The following B4GALNT3 variants were observed in gnomAD, a reference collection of about 807,000 sequenced individuals.
B4GALNT3 encodes beta-1,4-N-acetyl-galactosaminyltransferase 3.
B4GALNT3 carries 86 observed loss-of-function variants against 120.2 expected under a neutral mutation model. The observed-to-expected ratio is 0.72, with a 90% CI of 0.60 to 0.86. The LOEUF (loss-of-function observed/expected upper bound fraction) is 0.86. Ranked by LOEUF, B4GALNT3 falls within the 40% of genes least tolerant of loss-of-function variation. B4GALNT3 has a pLI of 0.00. For missense variants in B4GALNT3, 1,167 were observed against 1,298.9 expected (o/e 0.90, Z 1.56); for synonymous variants, 518 against 510.4 (o/e 1.01, Z -0.20).
chr12:554,704 G>C (rs1161398799), intron 14 of B4GALNT3, among the ~76,000 whole-genome samples: 10 of 139,832 alleles, frequency 7.2e-5, no homozygotes, highest in African/African-American at 2.5e-4. Context: ...GCAGGAGAAT[G>C]GCGTGAACCC....
At position 548,065 on chromosome 12, in the gene B4GALNT3, A is replaced by G; in HGVS notation, c.749A>G (p.Lys250Arg). 1 of 1,613,878 alleles carries G rather than the reference A, an allele frequency of 6.2e-7. No individual in the cohort carries two copies. The highest frequency in any genetic ancestry group is 8.5e-7 in the Non-Finnish European group (1 of 1,180,010). The change falls in exon 8 of 20, where the codon AAG becomes AGG. Residue 250 changes from lysine (K) to arginine (R), a missense_variant. Physicochemically the swap from Lys to Arg is conservative, Grantham distance 26. Around this residue, in one of 3 missense-constraint regions of B4GALNT3, gnomAD observed 983 missense variants for 1,102.5 expected, o/e 0.89. Transcript: ENST00000266383. The surrounding 1 kb of genome is among the most constrained non-coding windows in gnomAD (Gnocchi z 4.9). The part of the protein sequence containing the change: ...SHRYYFEVLH[K>R]QNEEGTDHVE... ...AGGTACTACTTCGAGGTGCTGCACA[A>G]GCAGAATGAGGAGGGCACCGACCAC... is the stretch of plus-strand genomic sequence containing the variant.
In B4GALNT3 at chr12:557,296, G is replaced by C. The variant is rs372265088; in HGVS notation, c.2381-312G>C. 9.9e-5 allele frequency among the ~76,000 whole-genome samples: 15 copies of C among 152,284 alleles called. No individual in the cohort carries two copies. In the East Asian group the frequency reaches 2.5e-3, roughly 25 times the overall value. ...TAGGACGACGATACTAAGAGGGACA[G>C]ATAACAGGGTTTCACTAGTAGAGCG... On this transcript the variant is annotated intron_variant, in intron 15 of 19. Coordinates refer to ENST00000266383, the MANE Select transcript of B4GALNT3 (RefSeq NM_173593.4).
intron 1 of B4GALNT3, among the ~76,000 whole-genome samples, chr12:531,253 G>C (rs1303923501): frequency 6.6e-6 from 1 of 151,898 alleles, no homozygotes; most frequent in Non-Finnish European, 1.5e-5. Context: ...GCGGGAGGGT[G>C]GGGGGCAAAG....
At chr12:559,091 G>GT (rs1947193737) in intron 18 of B4GALNT3, among the ~76,000 whole-genome samples, 1 of 152,056 alleles carries the variant, frequency 6.6e-6, no homozygotes, top group South Asian at 2.1e-4. Flanking sequence ...GCACAGCCTG[G>GT]TAGCACTGCT....
chr12:462,524 G>A (rs1393527162), intron 1 of B4GALNT3, among the ~76,000 whole-genome samples: 2 of 151,398 alleles, frequency 1.3e-5, no homozygotes, highest in African/African-American at 2.4e-5. Context: ...TTAACTCTCT[G>A]ACTGGGTTTC....
intron 1 of B4GALNT3, among the ~76,000 whole-genome samples, chr12:511,519 A>C (rs1467471828): frequency 8.4e-5 from 5 of 59,398 alleles, no homozygotes; most frequent in East Asian, 7.0e-4. Context: ...ACCTTCTTCC[A>C]CCTTCCACCT....
chr12:556,167 T>C (rs377145167), intron 14 of B4GALNT3, among the ~76,000 whole-genome samples: 3 of 152,214 alleles, frequency 2.0e-5, no homozygotes, highest in Non-Finnish European at 4.4e-5. Context: ...TAGTGACTAA[T>C]GATTTTGAGC....
rs578203139 is a variant in B4GALNT3 at position 553,658 on chromosome 12, C to T, written c.1735C>T (p.Arg579Trp). The change falls in exon 14 of 20, where the codon CGG becomes TGG. Residue 579 changes from arginine to tryptophan, a missense_variant. Arg to Trp is a moderately radical substitution (Grantham distance 101). Coordinates refer to ENST00000266383, the MANE Select transcript of B4GALNT3 (RefSeq NM_173593.4). ...IAEQRRGDRMRPQAPGRGWHG... is the reference protein window; with the variant it reads ...IAEQRRGDRMWPQAPGRGWHG... ...AGAGCAGAGACGGGGTGACAGGATG[C>T]GGCCTCAGGCCCCTGGAAGGGGCTG... 2.2e-5 allele frequency: 36 copies of T among 1,613,976 alleles called. No homozygotes were observed. Among genetic ancestry groups the T allele is most frequent in the Middle Eastern group, 1.6e-4 (1 of 6,062 alleles).
rs764735501 is a variant in B4GALNT3, at chr12:535,186, C to A, written c.190C>A (p.Leu64Met). Reference protein sequence around the residue: ...LNRRYGSWRELAKALASRNIP... With the variant: ...LNRRYGSWREMAKALASRNIP... ...CACAGGGTACGGCAGCTGGAGAGAA[C>A]TGGCCAAGGCTCTGGCCAGCAGGAA... The change falls in exon 2 of 20, where the codon CTG (leucine) becomes ATG (methionine). Residue 64 changes from leucine to methionine, a missense_variant. Leu to Met is a conservative substitution (Grantham distance 15, BLOSUM62 2). This residue lies in a region of B4GALNT3 where 171 missense variants were observed against 161.3 expected (regional missense o/e 1.06). Coordinates refer to ENST00000266383, the MANE Select transcript of B4GALNT3 (RefSeq NM_173593.4). The A allele has an allele frequency of 1.9e-6, 3 of 1,613,342 alleles. No individual in the cohort carries two copies. In the East Asian group the frequency reaches 6.7e-5, roughly 36 times the overall value.
chr12:460,231 C>T lies in B4GALNT3; in HGVS notation c.-146C>T. ...CCCGGAGCATGAGCCCGAGCCCCGC[C>T]GGAGAGCGGCCGGGAGAGACGGCCT... On this transcript the variant is annotated 5_prime_UTR_variant, in exon 1 of 20. Coordinates refer to ENST00000266383, the MANE Select transcript of B4GALNT3 (RefSeq NM_173593.4). This position sits in a 1 kb window ranked among gnomAD's most constrained non-coding sequence, Gnocchi z 8.0. The T allele has an allele frequency of 3.3e-6, 2 of 597,496 alleles. No individual in the cohort carries two copies. Among genetic ancestry groups the T allele is most frequent in the Non-Finnish European group, 4.2e-6 (2 of 476,704 alleles). The allele number at this position is 597,496 out of a possible 1,614,324, so 37.0% of individuals were successfully genotyped here. A position where few individuals can be genotyped will look rare whatever the true frequency, so the allele number is the denominator to read the frequency against.
At position 511,445 on chromosome 12, in the gene B4GALNT3, CCTTCCACCTTCTTCCACCTTCCACCTT is replaced by C. The variant is rs1565597893; in HGVS notation, c.170-23692_170-23666del. Reference sequence around the variant, plus strand: ...ACCTTCCACCTTCTTCCACCTTCCACCTTCCACCTTCTTCCACCTTCCACCTTCTTCCACCTTCTTCCACCTTCCACC... The same window carrying C: ...ACCTTCCACCTTCTTCCACCTTCCACCTTCCACCTTCTTCCACCTTCCACC... On this transcript the variant is annotated intron_variant, in intron 1 of 19. Coordinates refer to ENST00000266383, the MANE Select transcript of B4GALNT3 (RefSeq NM_173593.4). 4.4e-3 allele frequency among the ~76,000 whole-genome samples: 324 copies of C among 73,296 alleles called. 2 individuals are homozygous for C. The highest frequency in any genetic ancestry group is 6.8e-3 in the Middle Eastern group (1 of 146). 48.1% of individuals were successfully genotyped at this position (73,296 alleles called of 152,430 possible).
intron 1 of B4GALNT3, among the ~76,000 whole-genome samples, chr12:513,614 T>C (rs1946621209): frequency 6.6e-6 from 1 of 152,244 alleles, no homozygotes; most frequent in Non-Finnish European, 1.5e-5. Flanking sequence ...TTATGCCTCC[T>C]ATCTTATACC....
chr12:518,403 A>G (rs1946676742), intron 1 of B4GALNT3, among the ~76,000 whole-genome samples: 1 of 152,214 alleles, frequency 6.6e-6, no homozygotes, highest in Non-Finnish European at 1.5e-5. Flanking sequence ...CATATAACCT[A>G]CATACATCCT....
At chr12:467,394 A>G (rs1298329731) in intron 1 of B4GALNT3, among the ~76,000 whole-genome samples, 1 of 152,068 alleles carries the variant, frequency 6.6e-6, no homozygotes, top group East Asian at 1.9e-4. Context: ...GCCCATCTCT[A>G]CTACAACTAC....
intron 1 of B4GALNT3, among the ~76,000 whole-genome samples, chr12:462,329 C>T (rs1946029790): frequency 2.0e-5 from 3 of 149,248 alleles, no homozygotes. Context: ...GAATCAGTAA[C>T]CTCCCTTTCT....
intron 1 of B4GALNT3, among the ~76,000 whole-genome samples, chr12:531,244 C>T (rs369082642): frequency 6.9e-6 from 1 of 145,584 alleles, no homozygotes; most frequent in Non-Finnish European, 1.5e-5. Context: ...ATGGGGGATG[C>T]GGGAGGGTGG....
chr12:496,353 A>G (rs935284679), intron 1 of B4GALNT3, among the ~76,000 whole-genome samples: 1 of 152,184 alleles, frequency 6.6e-6, no homozygotes, highest in Non-Finnish European at 1.5e-5. Context: ...TAGTCCCAGC[A>G]CTTTGGGAGG....
chr12:553,710 C>A lies in B4GALNT3; in HGVS notation c.1787C>A (p.Ala596Asp), dbSNP rs761519214. Residue 596 changes from alanine to aspartate, a missense_variant, in exon 14 of 20, where the codon GCC (alanine) becomes GAC (aspartate). Physicochemically the swap from Ala to Asp is moderately radical, Grantham distance 126. Transcript: ENST00000266383. ...GWHGEEEVVA[A>D]AGQEGQVEGE... ...CATGGGGAGGAGGAAGTGGTGGCGG[C>A]CGCAGGCCAGGAAGGACAAGTGGAG... 5.6e-6 allele frequency: 9 copies of A among 1,613,920 alleles called. No individual in the cohort carries two copies. The highest frequency in any genetic ancestry group is 1.6e-4 in the Middle Eastern group (1 of 6,062).
At chr12:485,118 T>TG (rs1946279162) in intron 1 of B4GALNT3, among the ~76,000 whole-genome samples, 1 of 152,006 alleles carries the variant, frequency 6.6e-6, no homozygotes, top group Admixed American at 6.6e-5. Context: ...GACGTGGTGT[T>TG]GGAGGTGGGA....
Sources: allele counts gnomAD v4.1 joint callset (sites outside exome capture counted in the v4.1 genomes callset), GRCh38; gene constraint gnomAD v4.1.1; regional missense constraint gnomAD v4.1.1; non-coding constraint Gnocchi (gnomAD v3.1); transcripts MANE v1.5; gene names NCBI Gene and HGNC (gene_info 2026-07-23, HGNC 2026-07-21).